Variants in RBFOX1 observed in about 807,000 individuals in gnomAD.
RBFOX1 encodes the protein RNA binding fox-1 homolog 1.
In RBFOX1, 8 loss-of-function variants were observed where a neutral mutation model predicts 57.7. The observed-to-expected ratio is 0.14, with a 90% CI of 0.08 to 0.25. The LOEUF (loss-of-function observed/expected upper bound fraction) is 0.25, where lower values mean the gene tolerates loss of function less well. Among genes scored for constraint, RBFOX1 ranks in the 10% least tolerant of loss-of-function variants. The probability of loss-of-function intolerance (pLI) is 1.00; values close to 1 mark genes in which losing one functional copy is unlikely to be tolerated. For missense variants in RBFOX1, 611 were observed against 548.5 expected (o/e 1.11, Z -1.14); for synonymous variants, 326 against 222.4 (o/e 1.47, Z -4.15).
At chr16:6,926,051 G>C (rs2075523763) in intron 3 of RBFOX1, among the ~76,000 whole-genome samples, 1 of 152,040 alleles carries the variant, frequency 6.6e-6, no homozygotes, top group Non-Finnish European at 1.5e-5. Flanking sequence ...GCTCGTGTTA[G>C]TCCCAGCACT....
At chr16:6,691,041 A>G (rs530811420) in intron 3 of RBFOX1, among the ~76,000 whole-genome samples, 5 of 152,206 alleles carry the variant, frequency 3.3e-5, no homozygotes, top group African/African-American at 7.2e-5. Flanking sequence ...TTTGTTATTC[A>G]TGTTACATCA....
intron 3 of RBFOX1, among the ~76,000 whole-genome samples, chr16:5,695,442 T>C (rs1306827193): frequency 6.6e-6 from 1 of 152,216 alleles, no homozygotes; most frequent in Non-Finnish European, 1.5e-5. Context: ...TTGTAGGTCC[T>C]AATTAAATAA....
At chr16:7,517,138 CGTGTGTGTGTGTGTGTGTGTGT>C (rs200887129) in intron 4 of RBFOX1, among the ~76,000 whole-genome samples, 5 of 130,126 alleles carry the variant, frequency 3.8e-5, no homozygotes, top group South Asian at 2.9e-4. Flanking sequence ...TTTCTTATGC[CGTGTGTGTGTGTGTGTGTGTGT>C]GTGTGTGTGT....
At chr16:5,841,003 G>C (rs12930358) in intron 3 of RBFOX1, among the ~76,000 whole-genome samples, 21,412 of 152,144 alleles carry the variant, frequency 0.14, 1,597 homozygotes, top group East Asian at 0.15. Flanking sequence ...GAATCAGAAT[G>C]TGGAGAAATT....
intron 2 of RBFOX1, among the ~76,000 whole-genome samples, chr16:5,524,812 A>G (rs2044174879): frequency 6.6e-6 from 1 of 152,044 alleles, no homozygotes; most frequent in South Asian, 2.1e-4. Context: ...AAGTGCTGGG[A>G]TTACAGGCGT....
intron 3 of RBFOX1, among the ~76,000 whole-genome samples, chr16:5,647,688 C>T (rs536778456): frequency 1.1e-4 from 17 of 152,182 alleles, no homozygotes; most frequent in East Asian, 3.9e-4. Flanking sequence ...AGAACTAATC[C>T]GTAGCTTAAC....
chr16:7,336,792 A>G (rs769689882), intron 4 of RBFOX1, among the ~76,000 whole-genome samples: 35 of 152,232 alleles, frequency 2.3e-4, no homozygotes, highest in Non-Finnish European at 3.7e-4. Context: ...GTAAATTCCA[A>G]AAAGCTCTGA....
intron 3 of RBFOX1, among the ~76,000 whole-genome samples, chr16:6,684,112 A>G (rs145938953): frequency 1.3e-5 from 2 of 152,272 alleles, no homozygotes; most frequent in African/African-American, 2.4e-5. Context: ...AAATAGCAGA[A>G]TTTCCTGATG....
intron 14 of RBFOX1, among the ~76,000 whole-genome samples, chr16:7,677,794 G>C (rs2073777636): frequency 6.6e-6 from 1 of 152,170 alleles, no homozygotes; most frequent in South Asian, 2.1e-4. Flanking sequence ...CAATTTGCAT[G>C]TGTGGCTGGG....
chr16:6,839,347 C>A (rs1413448193), intron 3 of RBFOX1, among the ~76,000 whole-genome samples: 2 of 152,194 alleles, frequency 1.3e-5, no homozygotes, highest in African/African-American at 4.8e-5. Context: ...CTATTAACCC[C>A]ACTGACTCCA....
chr16:6,482,137 A>T (rs1279224056), intron 2 of RBFOX1, among the ~76,000 whole-genome samples: 1 of 152,220 alleles, frequency 6.6e-6, no homozygotes, highest in African/African-American at 2.4e-5. Context: ...GTATACTTTA[A>T]CTCAAATAAA....
chr16:5,485,913 C>G (rs937218529), intron 2 of RBFOX1, among the ~76,000 whole-genome samples: 5 of 152,194 alleles, frequency 3.3e-5, no homozygotes, highest in African/African-American at 1.2e-4. Context: ...TTTTCCCCAT[C>G]TGCAAAATGG....
At chr16:7,457,717 A>C (rs759392230) in intron 4 of RBFOX1, among the ~76,000 whole-genome samples, 1 of 151,978 alleles carries the variant, frequency 6.6e-6, no homozygotes. Flanking sequence ...GGCCCTCCCC[A>C]TTCCTCCCAG....
chr16:5,955,404 AAT>A (rs1279209273), intron 4 of RBFOX1, among the ~76,000 whole-genome samples: 770 of 68,482 alleles, frequency 0.011, 57 homozygotes, highest in African/African-American at 0.046. Context: ...AATAAAATAA[AAT>A]AAAATAAAAG....
chr16:7,240,459 A>G (rs2093998192), intron 4 of RBFOX1, among the ~76,000 whole-genome samples: 2 of 152,214 alleles, frequency 1.3e-5, no homozygotes, highest in South Asian at 4.1e-4. Flanking sequence ...TGTTAAAGAA[A>G]CATGTTAAAG....
chr16:7,001,406 G>GTATGTGTATATC (rs2092788113), intron 3 of RBFOX1, among the ~76,000 whole-genome samples: 1 of 121,550 alleles, frequency 8.2e-6, no homozygotes, highest in Non-Finnish European at 1.8e-5. Context: ...ATTTGTATAT[G>GTATGTGTATATC]TATATGTATA....
At chr16:6,539,558 G>C (rs767237383) in intron 2 of RBFOX1, among the ~76,000 whole-genome samples, 1 of 152,086 alleles carries the variant, frequency 6.6e-6, no homozygotes, top group Non-Finnish European at 1.5e-5. Context: ...AGCACATTGG[G>C]AGGCTGAGGC....
intron 3 of RBFOX1, among the ~76,000 whole-genome samples, chr16:5,780,290 T>C (rs910945376): frequency 2.0e-5 from 3 of 152,218 alleles, no homozygotes; most frequent in African/African-American, 7.2e-5. Flanking sequence ...GCGTGTGCCA[T>C]TGCACCCAGC....
chr16:6,156,548 A>C (rs963592369), intron 1 of RBFOX1, among the ~76,000 whole-genome samples: 1 of 152,196 alleles, frequency 6.6e-6, no homozygotes, highest in Non-Finnish European at 1.5e-5. Context: ...TTCTTTTGGC[A>C]AAGTTGTGTG....
Sources: gnomAD v4.1 joint callset for allele counts (sites outside exome capture counted in the v4.1 genomes callset) on GRCh38, gnomAD v4.1.1 for gene constraint, MANE v1.5 for transcripts, NCBI Gene and HGNC (gene_info 2026-07-23, HGNC 2026-07-21) for gene names.